The following GPC6 variants were observed in gnomAD, a reference collection of about 807,000 sequenced individuals.
GPC6 encodes the protein glypican 6, also known as glypican-6.
A neutral mutation model predicts 55.2 loss-of-function variants in GPC6; 14 were observed. That is an observed-to-expected ratio of 0.25 (90% confidence interval 0.17 to 0.40). GPC6 has a LOEUF of 0.40. Ranked by LOEUF, GPC6 falls within the 10% of genes least tolerant of loss-of-function variation. The pLI is 1.00. For synonymous variants in GPC6, 278 were observed against 259.6 expected (o/e 1.07, Z -0.68); for missense variants, 641 against 708.5 (o/e 0.90, Z 1.08).
intron 4 of GPC6, among the ~76,000 whole-genome samples, chr13:94,152,593 T>C (rs1887779719): frequency 6.6e-6 from 1 of 152,018 alleles, no homozygotes; most frequent in Non-Finnish European, 1.5e-5. Flanking sequence ...AGATAAAGTA[T>C]CCAGTACTTG....
chr13:94,145,705 G>A (rs2138887310), intron 4 of GPC6, among the ~76,000 whole-genome samples: 1 of 152,240 alleles, frequency 6.6e-6, no homozygotes, highest in Middle Eastern at 3.4e-3. Flanking sequence ...CCAAGTATGG[G>A]GGAATTCAAA....
chr13:93,446,241 C>T (rs1480971548), intron 1 of GPC6, among the ~76,000 whole-genome samples: 1 of 152,036 alleles, frequency 6.6e-6, no homozygotes, highest in East Asian at 1.9e-4. Context: ...CTGCAAGCTC[C>T]TTTCACTCAA....
intron 4 of GPC6, among the ~76,000 whole-genome samples, chr13:94,265,578 G>A (rs1232731096): frequency 1.3e-5 from 2 of 152,246 alleles, no homozygotes; most frequent in African/African-American, 4.8e-5. Flanking sequence ...TCAATACTAT[G>A]CATCCTTCAA....
chr13:94,087,862 A>G (rs1160922502), intron 4 of GPC6, among the ~76,000 whole-genome samples: 1 of 152,176 alleles, frequency 6.6e-6, no homozygotes, highest in African/African-American at 2.4e-5. Context: ...TGAGAGCCTG[A>G]TAAGATCTTT....
chr13:93,231,364 T>C lies in GPC6; in HGVS notation c.160+3748T>C, dbSNP rs1341345749. Among the ~76,000 whole-genome samples, 11 of 16,126 alleles carry C rather than the reference T, an allele frequency of 6.8e-4. 1 individual carries two copies. Among genetic ancestry groups the C allele is most frequent in the African/African-American group, 2.9e-3 (8 of 2,764 alleles). The allele number at this position is 16,126 out of a possible 152,430, so 10.6% of individuals were successfully genotyped here. On this transcript the variant is annotated intron_variant, in intron 1 of 8. Coordinates refer to ENST00000377047, the MANE Select transcript of GPC6 (RefSeq NM_005708.5). ...ATATATACATATATATATATACGTA[T>C]ATATATATATATATACATATATATA...
chr13:94,175,949 TATATATAG>T lies in GPC6; in HGVS notation c.878-110398_878-110391del, dbSNP rs201708760. The stretch of plus-strand genomic sequence containing the variant: ...TATCCAAATGAGCCATATATATATA[TATATATAG>T]AGAGAGAGAGAGAGAGAGAGAGAGA... On this transcript the variant is annotated intron_variant, in intron 4 of 8. Coordinates refer to ENST00000377047, the MANE Select transcript of GPC6 (RefSeq NM_005708.5). Among the ~76,000 whole-genome samples the T allele has an allele frequency of 3.3e-4, 35 of 105,948 alleles. No individual in the cohort carries two copies. In the East Asian group the frequency reaches 4.3e-3, roughly 13 times the overall value. The allele number at this position is 105,948 out of a possible 152,430, so 69.5% of individuals were successfully genotyped here. A position where few individuals can be genotyped will look rare whatever the true frequency, so the allele number is the denominator to read the frequency against.
In GPC6 at chr13:93,340,026, C is replaced by CTTT. The variant is rs10714044; in HGVS notation, c.160+112435_160+112437dup. Among the ~76,000 whole-genome samples the CTTT allele has an allele frequency of 4.4e-3, 363 of 81,618 alleles. 46 individuals carry two copies. The highest frequency in any genetic ancestry group is 0.012 in the Middle Eastern group (1 of 84). The allele number at this position is 81,618 out of a possible 152,430, so 53.5% of individuals were successfully genotyped here. On this transcript the variant is annotated intron_variant, in intron 1 of 8. Transcript: ENST00000377047. ...AAAAACAAAAACAAAAGTTTTCTTT[C>CTTT]TTTTTTTTTTTTTTTTTTTTTTTTT...
intron 2 of GPC6, among the ~76,000 whole-genome samples, chr13:93,675,948 G>T (rs1004469120): frequency 6.6e-6 from 1 of 151,516 alleles, no homozygotes; most frequent in African/African-American, 2.4e-5. Context: ...GCAGGTCAAA[G>T]TAATGAAGAT....
At chr13:93,905,273 A>G (rs1018271613) in intron 3 of GPC6, among the ~76,000 whole-genome samples, 10 of 152,088 alleles carry the variant, frequency 6.6e-5, no homozygotes, top group African/African-American at 2.2e-4. Context: ...CTTACTCTAT[A>G]TTCTTGGATA....
intron 2 of GPC6, among the ~76,000 whole-genome samples, chr13:93,571,006 C>T (rs1876374959): frequency 6.6e-6 from 1 of 152,006 alleles, no homozygotes; most frequent in African/African-American, 2.4e-5. Flanking sequence ...TAACATTTTT[C>T]AGTGTGTGTA....
At chr13:93,403,429 C>T (rs192914612) in intron 1 of GPC6, among the ~76,000 whole-genome samples, 114 of 152,238 alleles carry the variant, frequency 7.5e-4, no homozygotes, top group African/African-American at 2.6e-3. Context: ...CTCCATAATC[C>T]GTTAGGTTTT....
intron 1 of GPC6, among the ~76,000 whole-genome samples, chr13:93,462,784 A>G (rs1343885693): frequency 6.6e-6 from 1 of 151,978 alleles, no homozygotes; most frequent in Non-Finnish European, 1.5e-5. Flanking sequence ...AATCAAGCCT[A>G]CTGTGTATAT....
At chr13:94,238,177 G>A (rs1218394971) in intron 4 of GPC6, among the ~76,000 whole-genome samples, 1 of 152,150 alleles carries the variant, frequency 6.6e-6, no homozygotes, top group Non-Finnish European at 1.5e-5. Context: ...ACGGCTTTTA[G>A]ATGTCCTTCT....
intron 4 of GPC6, among the ~76,000 whole-genome samples, chr13:94,241,727 A>C (rs957464416): frequency 6.6e-5 from 10 of 152,080 alleles, no homozygotes; most frequent in Admixed American, 6.6e-4. Flanking sequence ...AAATATGACC[A>C]GGCAATGTGA....
At chr13:93,405,666 T>C (rs1219026754) in intron 1 of GPC6, among the ~76,000 whole-genome samples, 1 of 152,022 alleles carries the variant, frequency 6.6e-6, no homozygotes, top group Non-Finnish European at 1.5e-5. Context: ...TCTTCAAGGA[T>C]AAGTAAACTG....
At chr13:94,069,923 A>T (rs150556660) in intron 4 of GPC6, among the ~76,000 whole-genome samples, 271 of 151,868 alleles carry the variant, frequency 1.8e-3, no homozygotes, top group African/African-American at 6.1e-3. Flanking sequence ...AACTGTTCCA[A>T]CCTCTTCCTG....
chr13:94,129,976 A>G (rs1356223393), intron 4 of GPC6, among the ~76,000 whole-genome samples: 2 of 152,154 alleles, frequency 1.3e-5, no homozygotes, highest in Admixed American at 6.6e-5. Flanking sequence ...ACCATTTTGC[A>G]GATTGTTTAA....
chr13:93,425,232 G>A (rs9524057), intron 1 of GPC6, among the ~76,000 whole-genome samples: 2,552 of 152,134 alleles, frequency 0.017, 35 homozygotes, highest in Non-Finnish European at 0.026. Flanking sequence ...TTTTACTGTG[G>A]CTCGGCTGGG....
At chr13:93,389,280 G>A (rs184836952) in intron 1 of GPC6, among the ~76,000 whole-genome samples, 19 of 151,950 alleles carry the variant, frequency 1.3e-4, no homozygotes, top group South Asian at 1.0e-3. Context: ...GGCAGATCAC[G>A]AGGTCAGGAG....
Sources: gnomAD v4.1 joint callset for allele counts (sites outside exome capture counted in the v4.1 genomes callset) on GRCh38, gnomAD v4.1.1 for gene constraint, MANE v1.5 for transcripts, NCBI Gene and HGNC (gene_info 2026-07-23, HGNC 2026-07-21) for gene names.